The following FGF12 variants were observed in gnomAD, a reference collection of about 807,000 sequenced individuals.
The protein encoded by FGF12 is fibroblast growth factor 12, also known as fibroblast growth factor 12B.
FGF12 carries 14 observed loss-of-function variants against 23.6 expected under a neutral mutation model. That is an observed-to-expected ratio of 0.59 (90% confidence interval 0.39 to 0.93). FGF12 has a LOEUF of 0.93. Ranked by LOEUF, FGF12 falls within the 40% of genes least tolerant of loss-of-function variation. FGF12 has a pLI of 0.00. For synonymous variants in FGF12, 62 were observed against 77.3 expected, an observed-to-expected ratio of 0.80 and a Z score of 1.04; for missense variants, 175 against 217.8, an observed-to-expected ratio of 0.80 and a Z score of 1.24.
intron 2 of FGF12, among the ~76,000 whole-genome samples, chr3:192,580,095 C>T (rs1457917721): frequency 6.6e-6 from 1 of 152,160 alleles, no homozygotes. Context: ...ACTTTTAATT[C>T]AGTGCTTGCT....
intron 2 of FGF12, among the ~76,000 whole-genome samples, chr3:192,568,732 C>G (rs1712460338): frequency 6.6e-6 from 1 of 152,004 alleles, no homozygotes; most frequent in African/African-American, 2.4e-5. Flanking sequence ...TAGAGATGGG[C>G]AAGACAGAGT....
chr3:192,473,506 G>A (rs1480746209), intron 2 of FGF12, among the ~76,000 whole-genome samples: 3 of 152,100 alleles, frequency 2.0e-5, no homozygotes, highest in East Asian at 1.9e-4. Context: ...TTCTATCTAC[G>A]TGAAAGAAAA....
At chr3:192,716,966 C>A (rs1346101866) in intron 2 of FGF12, among the ~76,000 whole-genome samples, 2 of 152,048 alleles carry the variant, frequency 1.3e-5, no homozygotes, top group Non-Finnish European at 2.9e-5. Flanking sequence ...TTAATTAAGC[C>A]CCTAGGGGTG....
At chr3:192,719,612 G>A (rs1311607355) in intron 2 of FGF12, among the ~76,000 whole-genome samples, 1 of 151,962 alleles carries the variant, frequency 6.6e-6, no homozygotes, top group Non-Finnish European at 1.5e-5. Context: ...TGCTAGAAAT[G>A]TTGAACATGT....
intron 2 of FGF12, among the ~76,000 whole-genome samples, chr3:192,683,958 T>G (rs6767422): frequency 0.031 from 4,699 of 152,242 alleles, 252 homozygotes; most frequent in African/African-American, 0.11. Context: ...AATTCTTTTG[T>G]GAAAGGTCAA....
chr3:192,446,017 C>CA (rs1443576520), intron 2 of FGF12, among the ~76,000 whole-genome samples: 1 of 152,190 alleles, frequency 6.6e-6, no homozygotes, highest in Non-Finnish European at 1.5e-5. Flanking sequence ...TGTCATTAAA[C>CA]AAATTGCTCC....
chr3:192,184,104 G>A (rs546270520), intron 4 of FGF12, among the ~76,000 whole-genome samples: 5 of 152,262 alleles, frequency 3.3e-5, no homozygotes, highest in Non-Finnish European at 5.9e-5. Context: ...GGTGCCTGTA[G>A]TTGCAGCTAC....
At chr3:192,529,138 C>G (rs367573206) in intron 2 of FGF12, among the ~76,000 whole-genome samples, 3 of 152,182 alleles carry the variant, frequency 2.0e-5, no homozygotes, top group Admixed American at 2.0e-4. Context: ...CCAACTTTTA[C>G]GCTCTCTTTC....
chr3:192,630,451 C>G (rs775460155), intron 2 of FGF12, among the ~76,000 whole-genome samples: 8 of 151,998 alleles, frequency 5.3e-5, no homozygotes, highest in Non-Finnish European at 1.0e-4. Context: ...AAAAAATTAC[C>G]CAGGGTCATG....
chr3:192,581,890 A>G (rs1713171625), intron 2 of FGF12, among the ~76,000 whole-genome samples: 1 of 152,154 alleles, frequency 6.6e-6, no homozygotes, highest in African/African-American at 2.4e-5. Flanking sequence ...ATAAATACAT[A>G]TAAAAATGCT....
chr3:192,530,303 A>G (rs1179889117), intron 2 of FGF12, among the ~76,000 whole-genome samples: 1 of 152,162 alleles, frequency 6.6e-6, no homozygotes, highest in Non-Finnish European at 1.5e-5. Context: ...CATGTGTACA[A>G]TAGAGTGAGT....
At position 192,699,244 on chromosome 3, in the gene FGF12, C is replaced by A. The variant is rs145338273; in HGVS notation, c.13+27937G>T. Among the ~76,000 whole-genome samples the A allele has an allele frequency of 4.5e-4, 69 of 152,268 alleles. No homozygotes were observed. The East Asian group carries it at 8.1e-3, about 18-fold the overall frequency. ...GGGTTTGGGCAACACATCATCCATG[C>A]CATTTGCAACTCTTTCATTTTGTTA... On this transcript the variant is annotated intron_variant, in intron 2 of 5. Transcript: ENST00000445105.
intron 4 of FGF12, among the ~76,000 whole-genome samples, chr3:192,320,496 G>A (rs1716479052): frequency 1.3e-5 from 2 of 152,196 alleles, no homozygotes; most frequent in South Asian, 4.1e-4. Flanking sequence ...CCATTAAATG[G>A]CTGCAGAATA....
At chr3:192,198,807 C>T (rs1267893198) in intron 4 of FGF12, among the ~76,000 whole-genome samples, 2 of 152,158 alleles carry the variant, frequency 1.3e-5, no homozygotes, top group African/African-American at 4.8e-5. Flanking sequence ...TGCTAGTGTC[C>T]ACCATCAAAA....
intron 4 of FGF12, among the ~76,000 whole-genome samples, chr3:192,304,991 C>T (rs1211986772): frequency 2.7e-5 from 4 of 148,214 alleles, no homozygotes; most frequent in African/African-American, 1.0e-4. Flanking sequence ...CTCATAAAAA[C>T]AAAAAAGAAA....
rs970594574 is a variant in FGF12, at chr3:192,489,215, C to T, written c.14-128677G>A. Among the ~76,000 whole-genome samples, 24 of 151,916 alleles carry T rather than the reference C, an allele frequency of 1.6e-4. 1 individual carries two copies. The highest frequency in any genetic ancestry group is 4.6e-4 in the African/African-American group (19 of 41,470). On this transcript the variant is annotated intron_variant, in intron 2 of 5. Transcript: ENST00000445105. ...ATTATTATCACAATAATAAAAATAA[C>T]AATAAAAAGAGCAAAAATACTACAC... is the stretch of plus-strand genomic sequence containing the variant.
chr3:192,376,339 AT>A (rs869078828), intron 2 of FGF12, among the ~76,000 whole-genome samples: 7 of 112,926 alleles, frequency 6.2e-5, no homozygotes, highest in South Asian at 7.6e-4. Flanking sequence ...TATTAATTTA[AT>A]TTTATTTATT....
chr3:192,301,900 G>A (rs1715369146), intron 4 of FGF12, among the ~76,000 whole-genome samples: 1 of 152,078 alleles, frequency 6.6e-6, no homozygotes, highest in African/African-American at 2.4e-5. Context: ...CCTTTGACTG[G>A]AGCCCGAGCA....
At chr3:192,463,609 G>T (rs1353798858) in intron 2 of FGF12, among the ~76,000 whole-genome samples, 1 of 152,100 alleles carries the variant, frequency 6.6e-6, no homozygotes, top group Admixed American at 6.5e-5. Context: ...ACAGTCGTGC[G>T]TTTTGATTCC....
Sources: gnomAD v4.1 joint callset for allele counts (sites outside exome capture counted in the v4.1 genomes callset) on GRCh38, gnomAD v4.1.1 for gene constraint, MANE v1.5 for transcripts, NCBI Gene and HGNC (gene_info 2026-07-23, HGNC 2026-07-21) for gene names.